NELL1: variants seen among roughly 807,000 people sequenced by gnomAD.
NELL1 encodes the protein protein kinase C-binding protein NELL1.
Under a neutral mutation model 107.4 loss-of-function variants are expected in NELL1, and 76 were observed. The observed-to-expected ratio is 0.71, with a 90% CI of 0.59 to 0.86. NELL1 has a LOEUF of 0.86. Ranked by LOEUF, NELL1 falls within the 40% of genes least tolerant of loss-of-function variation. The pLI, the probability that NELL1 is intolerant of heterozygous loss-of-function variation, is 0.00. For synonymous variants in NELL1, 353 were observed against 341.2 expected, an observed-to-expected ratio of 1.03 and a Z score of -0.38; for missense variants, 1,024 against 1,005.5, an observed-to-expected ratio of 1.02 and a Z score of -0.25.
chr11:21,186,221 C>T (rs1010907274), intron 13 of NELL1, among the ~76,000 whole-genome samples: 2 of 151,886 alleles, frequency 1.3e-5, no homozygotes, highest in African/African-American at 4.9e-5. Context: ...GCCCCATTCA[C>T]TGAGACCCTG....
At chr11:21,085,575 A>G (rs1338783510) in intron 12 of NELL1, among the ~76,000 whole-genome samples, 4 of 152,170 alleles carry the variant, frequency 2.6e-5, no homozygotes, top group Admixed American at 6.5e-5. Flanking sequence ...GTTCAACGTT[A>G]CAGTGAACCA....
chr11:21,276,333 C>A (rs1848858545), intron 14 of NELL1, among the ~76,000 whole-genome samples: 1 of 152,170 alleles, frequency 6.6e-6, no homozygotes, highest in African/African-American at 2.4e-5. Flanking sequence ...AGGAATCCAA[C>A]TTGCAAGGGA....
At chr11:21,463,638 A>G (rs1853953672) in intron 15 of NELL1, among the ~76,000 whole-genome samples, 1 of 152,114 alleles carries the variant, frequency 6.6e-6, no homozygotes, top group African/African-American at 2.4e-5. Context: ...TCTGTCACTG[A>G]GAGGGTACCT....
At chr11:21,269,440 G>A (rs536608998) in intron 14 of NELL1, among the ~76,000 whole-genome samples, 1 of 150,890 alleles carries the variant, frequency 6.6e-6, no homozygotes, top group Non-Finnish European at 1.5e-5. Flanking sequence ...AAAAATTCTT[G>A]AAGAAATTCA....
intron 14 of NELL1, among the ~76,000 whole-genome samples, chr11:21,325,138 C>T (rs1256493269): frequency 2.0e-5 from 3 of 152,092 alleles, no homozygotes; most frequent in Admixed American, 1.3e-4. Flanking sequence ...ACAAATGCAC[C>T]GATAATTCCA....
chr11:20,707,286 C>A (rs1256687251), intron 2 of NELL1, among the ~76,000 whole-genome samples: 1 of 152,102 alleles, frequency 6.6e-6, no homozygotes, highest in Non-Finnish European at 1.5e-5. Flanking sequence ...AGGTTTTTAG[C>A]CTCTTTGTGA....
At chr11:20,796,620 TAG>T (rs1357906981) in intron 3 of NELL1, among the ~76,000 whole-genome samples, 2 of 152,186 alleles carry the variant, frequency 1.3e-5, no homozygotes, top group East Asian at 1.9e-4. Flanking sequence ...TGTCTATGAT[TAG>T]AGAGTCTTTA....
intron 5 of NELL1, among the ~76,000 whole-genome samples, chr11:20,909,245 A>G (rs1271119316): frequency 6.6e-6 from 1 of 152,228 alleles, no homozygotes; most frequent in East Asian, 1.9e-4. Flanking sequence ...TTTGATTAAT[A>G]GTGGTGATGG....
intron 12 of NELL1, among the ~76,000 whole-genome samples, chr11:20,962,913 C>T (rs1257376743): frequency 6.6e-6 from 1 of 152,156 alleles, no homozygotes; most frequent in Non-Finnish European, 1.5e-5. Flanking sequence ...AATGGCTAAA[C>T]ATTGGACCCC....
At chr11:21,057,581 C>T (rs968973207) in intron 12 of NELL1, among the ~76,000 whole-genome samples, 5 of 151,716 alleles carry the variant, frequency 3.3e-5, no homozygotes, top group Non-Finnish European at 7.4e-5. Flanking sequence ...ATGTATTAGT[C>T]TATATCCATA....
At chr11:21,449,424 A>G (rs1249316871) in intron 15 of NELL1, among the ~76,000 whole-genome samples, 1 of 151,772 alleles carries the variant, frequency 6.6e-6, no homozygotes, top group Admixed American at 6.6e-5. Context: ...TTTTCTTTTT[A>G]TTGACTTTTG....
chr11:20,808,281 C>T (rs1857426440), intron 3 of NELL1, among the ~76,000 whole-genome samples: 1 of 152,080 alleles, frequency 6.6e-6, no homozygotes, highest in Non-Finnish European at 1.5e-5. Context: ...TCCCCTCTGG[C>T]CCAAGGTATA....
intron 12 of NELL1, among the ~76,000 whole-genome samples, chr11:21,041,041 A>G (rs1853216168): frequency 6.6e-6 from 1 of 152,204 alleles, no homozygotes. Context: ...TATTTATGAA[A>G]TAGGCCCTTT....
At chr11:20,940,049 G>C (rs1850815885) in intron 10 of NELL1, among the ~76,000 whole-genome samples, 1 of 152,082 alleles carries the variant, frequency 6.6e-6, no homozygotes, top group South Asian at 2.1e-4. Context: ...TCCTATGAAG[G>C]CTTGACATGG....
chr11:20,912,326 C>G (rs2134149645), intron 5 of NELL1, among the ~76,000 whole-genome samples: 1 of 152,164 alleles, frequency 6.6e-6, no homozygotes, highest in East Asian at 1.9e-4. Flanking sequence ...TTTTTCACTT[C>G]AAAACAGCAT....
chr11:21,503,288 C>T (rs1444364410), intron 15 of NELL1, among the ~76,000 whole-genome samples: 1 of 152,150 alleles, frequency 6.6e-6, no homozygotes, highest in African/African-American at 2.4e-5. Context: ...AAAAGAAGTT[C>T]AGTGTTATGC....
At chr11:21,545,446 G>A (rs1856418136) in intron 16 of NELL1, among the ~76,000 whole-genome samples, 2 of 151,926 alleles carry the variant, frequency 1.3e-5, no homozygotes, top group South Asian at 2.1e-4. Flanking sequence ...CTTTATTGGA[G>A]AGCTGGAACT....
intron 14 of NELL1, among the ~76,000 whole-genome samples, chr11:21,351,952 T>A (rs1034095190): frequency 6.6e-6 from 1 of 152,134 alleles, no homozygotes; most frequent in Non-Finnish European, 1.5e-5. Flanking sequence ...GGAGAACTGA[T>A]GCTTTATGAA....
At chr11:21,052,264 G>A (rs1853511236) in intron 12 of NELL1, among the ~76,000 whole-genome samples, 1 of 152,098 alleles carries the variant, frequency 6.6e-6, no homozygotes, top group African/African-American at 2.4e-5. Context: ...GTACATCATT[G>A]TAAGACCTTT....
Sources: allele counts gnomAD v4.1 joint callset (sites outside exome capture counted in the v4.1 genomes callset), GRCh38; gene constraint gnomAD v4.1.1; transcripts MANE v1.5; gene names NCBI Gene and HGNC (gene_info 2026-07-23, HGNC 2026-07-21).